ARB2A: variants seen among roughly 807,000 people sequenced by gnomAD.
ARB2A encodes the protein cotranscriptional regulator ARB2A.
chr5:94,096,788 G>C, the ARB2A span, among the ~76,000 whole-genome samples: 1 of 152,162 alleles, frequency 6.6e-6, no homozygotes, highest in Non-Finnish European at 1.5e-5. Context: ...GGCATTGAGA[G>C]TGAACAGAGA....
the ARB2A span, among the ~76,000 whole-genome samples, chr5:93,961,416 G>A: frequency 6.6e-6 from 1 of 152,164 alleles, no homozygotes. Flanking sequence ...CTTATTTTCA[G>A]ATGATAAAAA....
chr5:93,671,105 C>T, the ARB2A span, among the ~76,000 whole-genome samples: 1 of 151,984 alleles, frequency 6.6e-6, no homozygotes, highest in South Asian at 2.1e-4. Context: ...CATTATAAAC[C>T]CTCAAAACAA....
chr5:94,096,581 C>CT, the ARB2A span, among the ~76,000 whole-genome samples: 1 of 152,176 alleles, frequency 6.6e-6, no homozygotes, highest in Admixed American at 6.5e-5. Context: ...AATCCACAGT[C>CT]TTAGTCTTGT....
the ARB2A span, among the ~76,000 whole-genome samples, chr5:93,722,131 G>GGT: frequency 6.6e-6 from 1 of 152,004 alleles, no homozygotes; most frequent in Non-Finnish European, 1.5e-5. Flanking sequence ...AGCCACCAGT[G>GGT]GTGTGTGTAT....
At chr5:93,799,144 G>GT in the ARB2A span, among the ~76,000 whole-genome samples, 1 of 152,078 alleles carries the variant, frequency 6.6e-6, no homozygotes, top group Non-Finnish European at 1.5e-5. Flanking sequence ...TCAGTCATAT[G>GT]TTTTTTAGAG....
At chr5:93,942,706 A>C in the ARB2A span, among the ~76,000 whole-genome samples, 1 of 151,730 alleles carries the variant, frequency 6.6e-6, no homozygotes, top group Non-Finnish European at 1.5e-5. Flanking sequence ...TTTAAATATT[A>C]AAGTAAAACC....
At chr5:94,073,130 C>G in the ARB2A span, among the ~76,000 whole-genome samples, 1 of 152,066 alleles carries the variant, frequency 6.6e-6, no homozygotes, top group Non-Finnish European at 1.5e-5. Context: ...CACTGTTTTA[C>G]ATATCATAGC....
chr5:94,068,186 G>C, the ARB2A span, among the ~76,000 whole-genome samples: 2 of 152,156 alleles, frequency 1.3e-5, no homozygotes, highest in African/African-American at 4.8e-5. Context: ...TGGGCCATGC[G>C]GTGAGTGTTA....
At chr5:93,901,471 T>C in the ARB2A span, among the ~76,000 whole-genome samples, 1 of 152,138 alleles carries the variant, frequency 6.6e-6, no homozygotes, top group Non-Finnish European at 1.5e-5. Flanking sequence ...ACTCCACTAA[T>C]AGTCATTATT....
chr5:93,710,859 A>G, the ARB2A span, among the ~76,000 whole-genome samples: 1 of 152,218 alleles, frequency 6.6e-6, no homozygotes, highest in African/African-American at 2.4e-5. Context: ...ATAAGAAAAA[A>G]AATTAAAAAT....
the ARB2A span, chr5:93,741,455 T>C: frequency 1.7e-5 from 27 of 1,613,322 alleles, no homozygotes; most frequent in Non-Finnish European, 1.9e-5. Context: ...GCCGCCTGGG[T>C]GCTCAACCAG....
At chr5:93,763,726 C>T in the ARB2A span, among the ~76,000 whole-genome samples, 3 of 152,142 alleles carry the variant, frequency 2.0e-5, no homozygotes, top group Non-Finnish European at 4.4e-5. Context: ...CTCTCCACCC[C>T]AAATCAACAG....
chr5:93,805,238 A>T, the ARB2A span: 3 of 984,912 alleles, frequency 3.0e-6, no homozygotes, highest in Non-Finnish European at 3.6e-6. Flanking sequence ...TTCTTCTATG[A>T]TTTAAAAATT....
chr5:93,799,595 C>A, the ARB2A span, among the ~76,000 whole-genome samples: 1 of 151,970 alleles, frequency 6.6e-6, no homozygotes, highest in Non-Finnish European at 1.5e-5. Flanking sequence ...TTTTTATAGC[C>A]AAAAGCAACA....
chr5:93,847,935 G>A, the ARB2A span, among the ~76,000 whole-genome samples: 1 of 152,130 alleles, frequency 6.6e-6, no homozygotes, highest in Non-Finnish European at 1.5e-5. Context: ...TCACACAAAG[G>A]CCTGCGGTTT....
chr5:93,854,221 C>T, the ARB2A span, among the ~76,000 whole-genome samples: 2 of 152,140 alleles, frequency 1.3e-5, no homozygotes, highest in Admixed American at 1.3e-4. Context: ...TCCATTTCTT[C>T]TAGATTTTCT....
At chr5:94,034,289 G>A in the ARB2A span, among the ~76,000 whole-genome samples, 2 of 152,118 alleles carry the variant, frequency 1.3e-5, no homozygotes, top group African/African-American at 2.4e-5. Flanking sequence ...ACTTAGGCTC[G>A]TGTTTGATTG....
At chr5:93,745,399 T>C in the ARB2A span, among the ~76,000 whole-genome samples, 1 of 152,190 alleles carries the variant, frequency 6.6e-6, no homozygotes, top group Non-Finnish European at 1.5e-5. Flanking sequence ...AGACATACCA[T>C]TTATTTTATA....
chr5:93,920,567 A>T, the ARB2A span, among the ~76,000 whole-genome samples: 1 of 152,316 alleles, frequency 6.6e-6, no homozygotes, highest in South Asian at 2.1e-4. Context: ...GCATGTCATG[A>T]ATGCATAAAA....
Sources: allele counts gnomAD v4.1 joint callset (sites outside exome capture counted in the v4.1 genomes callset), GRCh38; gene constraint gnomAD v4.1.1; transcripts MANE v1.5; gene names NCBI Gene and HGNC (gene_info 2026-07-23, HGNC 2026-07-21).